KIRREL3: variants seen among roughly 807,000 people sequenced by gnomAD.
KIRREL3 encodes the protein kirre like nephrin family adhesion molecule 3, also known as kin of IRRE-like protein 3.
Under a neutral mutation model 89.7 loss-of-function variants are expected in KIRREL3, and 36 were observed. The ratio of observed to expected loss-of-function variants is 0.40; its 90% CI spans 0.31 to 0.53. The LOEUF (loss-of-function observed/expected upper bound fraction) is 0.53. KIRREL3 is among the 20% of genes least tolerant of loss of function. The pLI, the probability that KIRREL3 is intolerant of heterozygous loss-of-function variation, is 0.49. For synonymous variants in KIRREL3, 445 were observed against 441.4 expected, an observed-to-expected ratio of 1.01 and a Z score of -0.10; for missense variants, 864 against 1,056.6, an observed-to-expected ratio of 0.82 and a Z score of 2.53.
Position 126,463,060 on chromosome 11 carries a change from T to C in KIRREL3, c.742+97A>G, listed in dbSNP as rs1344814633. 1.6e-6 allele frequency: 2 copies of C among 1,236,290 alleles called. No individual in the cohort carries two copies. Among genetic ancestry groups the C allele is most frequent in the Middle Eastern group, 2.7e-4 (1 of 3,638 alleles). 76.6% of individuals were successfully genotyped at this position (1,236,290 alleles called of 1,614,324 possible). On this transcript the variant is annotated intron_variant, in intron 6 of 16. Transcript: ENST00000525144. This position sits in a 1 kb window ranked among gnomAD's most constrained non-coding sequence, Gnocchi z 5.9. Reference sequence around the variant, plus strand: ...CCAATCCACAGAGCTGCCTGACCCATTTCCTGCTATCAGATGGGCCAGGCT... The same window carrying C: ...CCAATCCACAGAGCTGCCTGACCCACTTCCTGCTATCAGATGGGCCAGGCT...
chr11:126,560,269 G>C (rs1940017536), intron 2 of KIRREL3, among the ~76,000 whole-genome samples: 1 of 151,986 alleles, frequency 6.6e-6, no homozygotes, highest in Admixed American at 6.6e-5. Context: ...CCACACAGTA[G>C]AGGACACACA....
rs907742158 is a variant in KIRREL3 at position 126,744,552 on chromosome 11, T to A, written c.56-181640A>T. 2.0e-5 allele frequency among the ~76,000 whole-genome samples: 3 copies of A among 152,118 alleles called. No homozygotes were observed. Among genetic ancestry groups the A allele is most frequent in the Non-Finnish European group, 4.4e-5 (3 of 68,006 alleles). On this transcript the variant is annotated intron_variant, in intron 1 of 16. Coordinates refer to ENST00000525144, the MANE Select transcript of KIRREL3 (RefSeq NM_032531.4). The surrounding 1 kb of genome is among the most constrained non-coding windows in gnomAD (Gnocchi z 4.7). ...AGGTATGGAAGAAGCAGCAGAGACC[T>A]CAATTTTCAAAGTGTGTATCTGGAA... is the stretch of plus-strand genomic sequence containing the variant.
rs542518460 is a variant in KIRREL3, at chr11:126,696,462, T to C, written c.56-133550A>G. Among the ~76,000 whole-genome samples, 6 of 152,254 alleles carry C rather than the reference T, an allele frequency of 3.9e-5. No individual in the cohort carries two copies. The South Asian group carries it at 1.2e-3, about 32-fold the overall frequency. On this transcript the variant is annotated intron_variant, in intron 1 of 16. Coordinates refer to ENST00000525144, the MANE Select transcript of KIRREL3 (RefSeq NM_032531.4). This position sits in a 1 kb window ranked among gnomAD's most constrained non-coding sequence, Gnocchi z 4.4. Reference sequence around the variant, plus strand: ...CCCCAGCCTTCTATGAGATACCACATGCAGCCTGCAAACTCCCACAGCTGT... The same window carrying C: ...CCCCAGCCTTCTATGAGATACCACACGCAGCCTGCAAACTCCCACAGCTGT...
In KIRREL3 at chr11:126,504,174, C is replaced by A. The variant is rs558889936; in HGVS notation, c.433+17141G>T. 5.3e-5 allele frequency among the ~76,000 whole-genome samples: 8 copies of A among 152,184 alleles called. No individual in the cohort carries two copies. In the South Asian group the frequency reaches 1.5e-3, roughly 28 times the overall value. ...CCAAAAACCTTGGCATCATCTGTGA[C>A]CCCTCTCTTTCTCTCATAGTAACTG... is the stretch of plus-strand genomic sequence containing the variant. On this transcript the variant is annotated intron_variant, in intron 4 of 16. Coordinates refer to ENST00000525144, the MANE Select transcript of KIRREL3 (RefSeq NM_032531.4).
chr11:126,902,463 A>G (rs1184754847), intron 1 of KIRREL3, among the ~76,000 whole-genome samples: 2 of 152,262 alleles, frequency 1.3e-5, no homozygotes, highest in Non-Finnish European at 2.9e-5. Context: ...TGACTTTAAA[A>G]TGTATATTTC....
intron 1 of KIRREL3, among the ~76,000 whole-genome samples, chr11:126,634,035 C>T (rs889590749): frequency 3.9e-4 from 59 of 152,306 alleles, no homozygotes; most frequent in Middle Eastern, 3.4e-3. Flanking sequence ...GGCATCCTTC[C>T]CTCCTGCTCT....
At chr11:126,793,720 G>A (rs369825008) in intron 1 of KIRREL3, among the ~76,000 whole-genome samples, 4 of 152,192 alleles carry the variant, frequency 2.6e-5, no homozygotes, top group African/African-American at 4.8e-5. Flanking sequence ...AGGAAAATGC[G>A]TAAATGATTG....
rs750802543 is a variant in KIRREL3 at position 126,495,903 on chromosome 11, C to A, written c.434-22437G>T. Among the ~76,000 whole-genome samples, 25 of 152,228 alleles carry A rather than the reference C, an allele frequency of 1.6e-4. No homozygotes were observed. The highest frequency in any genetic ancestry group is 2.4e-4 in the Non-Finnish European group (16 of 68,034). Reference sequence around the variant, plus strand: ...ATTGTCCTTGACTTGCCCTTTCTCTCGTATCCTAATTGCTGTGGGCTCCAC... The same window carrying A: ...ATTGTCCTTGACTTGCCCTTTCTCTAGTATCCTAATTGCTGTGGGCTCCAC... On this transcript the variant is annotated intron_variant, in intron 4 of 16. Transcript: ENST00000525144. This position sits in a 1 kb window ranked among gnomAD's most constrained non-coding sequence, Gnocchi z 6.5.
In KIRREL3 at chr11:126,443,020, G is replaced by A. The variant is rs945486164; in HGVS notation, c.1252+1959C>T. Among the ~76,000 whole-genome samples the A allele has an allele frequency of 8.5e-5, 13 of 152,288 alleles. No homozygotes were observed. The highest frequency in any genetic ancestry group is 2.2e-4 in the African/African-American group (9 of 41,574). The stretch of plus-strand genomic sequence containing the variant: ...CCCGTCCAAGAGAAATGTCCCTCCC[G>A]GCCTGTGTTCCCCAGGGGGCATTCT... On this transcript the variant is annotated intron_variant, in intron 10 of 16. Transcript: ENST00000525144. The surrounding 1 kb of genome is among the most constrained non-coding windows in gnomAD (Gnocchi z 7.3).
At chr11:126,547,637 T>A (rs1785767193) in intron 2 of KIRREL3, among the ~76,000 whole-genome samples, 1 of 152,160 alleles carries the variant, frequency 6.6e-6, no homozygotes, top group Admixed American at 6.5e-5. Flanking sequence ...TCACTCAATA[T>A]TAGGCACAGT....
In KIRREL3 at chr11:126,909,118, G is replaced by C. The variant is rs1784341; in HGVS notation, c.55+91337C>G. 0.58 allele frequency among the ~76,000 whole-genome samples: 87,154 copies of C among 151,336 alleles called. 25,815 individuals are homozygous for C. The highest frequency in any genetic ancestry group is 0.77 in the Middle Eastern group (221 of 286). ...GTGCAGAACCCAGGCGACACAGGGGGCCAACTGTAATTGCAATCTGAATGA... is the reference window on the plus strand; with the variant it reads ...GTGCAGAACCCAGGCGACACAGGGGCCCAACTGTAATTGCAATCTGAATGA... On this transcript the variant is annotated intron_variant, in intron 1 of 16. Transcript: ENST00000525144. The surrounding 1 kb of genome is among the most constrained non-coding windows in gnomAD (Gnocchi z 4.5).
rs1949896009 is a variant in KIRREL3 at position 126,987,357 on chromosome 11, T to G, written c.55+13098A>C. Among the ~76,000 whole-genome samples the G allele has an allele frequency of 6.6e-6, 1 of 152,222 alleles. No homozygotes were observed. Among genetic ancestry groups the G allele is most frequent in the Non-Finnish European group, 1.5e-5 (1 of 68,040 alleles). On this transcript the variant is annotated intron_variant, in intron 1 of 16. Coordinates refer to ENST00000525144, the MANE Select transcript of KIRREL3 (RefSeq NM_032531.4). The surrounding 1 kb of genome is among the most constrained non-coding windows in gnomAD (Gnocchi z 4.6). ...TACAACCGTCTATGTATTTTCAAAC[T>G]TTCCTTGGCATGAATACAATGGCAT...
At chr11:126,442,353 CAA>C (rs917826617) in intron 10 of KIRREL3, among the ~76,000 whole-genome samples, 24 of 113,682 alleles carry the variant, frequency 2.1e-4, no homozygotes, top group Middle Eastern at 0.01. Context: ...CACACACACA[CAA>C]AACCTTTTCC....
chr11:126,856,287 T>G (rs7126423), intron 1 of KIRREL3, among the ~76,000 whole-genome samples: 123,272 of 152,086 alleles, frequency 0.81, 50,107 homozygotes, highest in East Asian at 1. Flanking sequence ...TGTCTACCTC[T>G]CAGCTTTGCT....
At chr11:126,539,114 G>A (rs771808330) in intron 2 of KIRREL3, among the ~76,000 whole-genome samples, 12 of 152,184 alleles carry the variant, frequency 7.9e-5, no homozygotes, top group Non-Finnish European at 1.2e-4. Context: ...AAATTGCTTA[G>A]TCCCTCTGAG....
Position 126,954,434 on chromosome 11 carries a change from T to C in KIRREL3, c.55+46021A>G, listed in dbSNP as rs1215718543. On this transcript the variant is annotated intron_variant, in intron 1 of 16. Transcript: ENST00000525144. The surrounding 1 kb of genome is among the most constrained non-coding windows in gnomAD (Gnocchi z 4.1). The stretch of plus-strand genomic sequence containing the variant: ...GCTGATAACATGAAGGATCTGTAAA[T>C]TACAAATCATCTGGGCCCTCAGAAA... 6.6e-6 allele frequency among the ~76,000 whole-genome samples: 1 copy of C among 152,152 alleles called. No individual in the cohort carries two copies. The highest frequency in any genetic ancestry group is 1.9e-4 in the East Asian group (1 of 5,180).
Position 126,872,134 on chromosome 11 carries a change from CAG to C in KIRREL3, c.55+128319_55+128320del, listed in dbSNP as rs1945128003. On this transcript the variant is annotated intron_variant, in intron 1 of 16. Coordinates refer to ENST00000525144, the MANE Select transcript of KIRREL3 (RefSeq NM_032531.4). The surrounding 1 kb of genome is among the most constrained non-coding windows in gnomAD (Gnocchi z 4.2). ...CAGTGAACAAGCTGGCCAAAACCAG[CAG>C]ACAGTGATGAAAGTGACCTCTAGTT... Among the ~76,000 whole-genome samples, 1 of 152,196 alleles carries C rather than the reference CAG, an allele frequency of 6.6e-6. No individual in the cohort carries two copies. Among genetic ancestry groups the C allele is most frequent in the South Asian group, 2.1e-4 (1 of 4,824 alleles).
chr11:126,938,396 G>A (rs1948296486), intron 1 of KIRREL3, among the ~76,000 whole-genome samples: 1 of 152,192 alleles, frequency 6.6e-6, no homozygotes, highest in Admixed American at 6.5e-5. Flanking sequence ...CAGGCTGAGT[G>A]TTACTATCTC....
At chr11:126,853,714 T>C (rs1370061237) in intron 1 of KIRREL3, among the ~76,000 whole-genome samples, 1 of 152,002 alleles carries the variant, frequency 6.6e-6, no homozygotes, top group Non-Finnish European at 1.5e-5. Flanking sequence ...AAAAAGTAAT[T>C]CTCAAAATAA....
Sources: allele counts gnomAD v4.1 joint callset (sites outside exome capture counted in the v4.1 genomes callset), GRCh38; gene constraint gnomAD v4.1.1; non-coding constraint Gnocchi (gnomAD v3.1); transcripts MANE v1.5; gene names NCBI Gene and HGNC (gene_info 2026-07-23, HGNC 2026-07-21).